The following TBC1D2B variants were observed in gnomAD, a reference collection of about 807,000 sequenced individuals.
TBC1D2B encodes the protein TBC1 domain family member 2B, also known as TBC1 domain family, member 2B.
In TBC1D2B, 64 loss-of-function variants were observed where a neutral mutation model predicts 100.8. That is an observed-to-expected ratio of 0.64 (90% confidence interval 0.52 to 0.78). The LOEUF is 0.78. Among genes scored for constraint, TBC1D2B ranks in the 30% least tolerant of loss-of-function variants. The probability of loss-of-function intolerance (pLI) is 0.00; values close to 1 mark genes in which losing one functional copy is unlikely to be tolerated. For synonymous variants in TBC1D2B, 480 were observed against 479.7 expected, an observed-to-expected ratio of 1.00 and a Z score of -0.01; for missense variants, 1,052 against 1,218.4, an observed-to-expected ratio of 0.86 and a Z score of 2.03.
chr15:78,023,447 C>T (rs935197651), intron 6 of TBC1D2B, among the ~76,000 whole-genome samples: 4 of 152,218 alleles, frequency 2.6e-5, no homozygotes, highest in Non-Finnish European at 4.4e-5. Context: ...GGCTTCTCTA[C>T]AGGCAAGAAG....
In TBC1D2B at chr15:77,996,305, T is replaced by C. The variant is rs1258368249; in HGVS notation, c.*1855A>G. On this transcript the variant is annotated 3_prime_UTR_variant, in exon 13 of 13. Transcript: ENST00000300584. ...AGCCCCAGGACATGGCAGTGTGTGC[T>C]GGCATGTTCCAGGGGCCATTGGCTC... 1 of 152,112 alleles carries C rather than the reference T, an allele frequency of 6.6e-6. No individual in the cohort carries two copies. The highest frequency in any genetic ancestry group is 1.9e-4 in the East Asian group (1 of 5,188). 9.4% of individuals were successfully genotyped at this position (152,112 alleles called of 1,614,324 possible).
intron 1 of TBC1D2B, among the ~76,000 whole-genome samples, chr15:78,071,433 G>T (rs2867985): frequency 3.9e-5 from 6 of 152,056 alleles, no homozygotes; most frequent in Non-Finnish European, 7.4e-5. Flanking sequence ...GGCAGAGTGC[G>T]CAAAACCTAA....
intron 10 of TBC1D2B, among the ~76,000 whole-genome samples, chr15:78,007,629 C>G (rs1479794520): frequency 2.6e-5 from 4 of 152,196 alleles, no homozygotes; most frequent in African/African-American, 9.7e-5. Context: ...AACAGAAATC[C>G]CTCTAAATAT....
In TBC1D2B at chr15:78,034,900, C is replaced by T. The variant is rs1185903165; in HGVS notation, c.684-4730G>A. 1.5e-4 allele frequency among the ~76,000 whole-genome samples: 23 copies of T among 152,214 alleles called. 1 individual carries two copies. Among genetic ancestry groups the T allele is most frequent in the Admixed American group, 1.5e-3 (23 of 15,290 alleles). On this transcript the variant is annotated intron_variant, in intron 3 of 12. Coordinates refer to ENST00000300584, the MANE Select transcript of TBC1D2B (RefSeq NM_144572.2). ...TGCAGACTTCTCAGACACACTCACC[C>T]TGTCTGCTCTGGCCCACAGAGGCCT...
intron 11 of TBC1D2B, 154 bp downstream of exon 11, chr15:78,003,151 C>A: frequency 1.6e-6 from 1 of 623,340 alleles, no homozygotes; most frequent in Admixed American, 2.8e-5. Context: ...TCCTGATACC[C>A]TGGACCCAGA....
intron 1 of TBC1D2B, among the ~76,000 whole-genome samples, chr15:78,069,771 G>A (rs1183376845): frequency 6.6e-6 from 1 of 152,134 alleles, no homozygotes; most frequent in Non-Finnish European, 1.5e-5. Context: ...AACATACATA[G>A]ATGGAGGCCC....
chr15:78,003,227 AGCCGCTCTACC>A, intron 11 of TBC1D2B, 67 bp downstream of exon 11: 1 of 1,378,564 alleles, frequency 7.3e-7, no homozygotes. Context: ...CAGGTGAGCC[AGCCGCTCTACC>A]GCCACCAACG....
intron 9 of TBC1D2B, among the ~76,000 whole-genome samples, chr15:78,011,570 A>G (rs2044380864): frequency 6.7e-6 from 1 of 149,350 alleles, no homozygotes; most frequent in Admixed American, 6.7e-5. Flanking sequence ...TCCTGGGCTC[A>G]AGCGATCCTC....
At chr15:78,076,716 A>G (rs1006105587) in intron 1 of TBC1D2B, among the ~76,000 whole-genome samples, 2 of 152,206 alleles carry the variant, frequency 1.3e-5, no homozygotes, top group Non-Finnish European at 2.9e-5. Context: ...GCACCCCTGC[A>G]CTCCAGCCTG....
chr15:78,030,196 T>C, intron 3 of TBC1D2B, 26 bp from the exon 4 acceptor site: 1 of 1,590,288 alleles, frequency 6.3e-7, no homozygotes, highest in Non-Finnish European at 8.6e-7. Flanking sequence ...ATATGTGTTA[T>C]TAACAAAAAC....
intron 12 of TBC1D2B, among the ~76,000 whole-genome samples, chr15:78,000,981 A>ACTTCCC (rs1482615879): frequency 2.6e-5 from 4 of 152,136 alleles, no homozygotes; most frequent in Non-Finnish European, 5.9e-5. Context: ...ACCCTGCAGG[A>ACTTCCC]CTTCCCAGCA....
At chr15:78,058,692 AGT>A (rs1279458536) in intron 1 of TBC1D2B, among the ~76,000 whole-genome samples, 2 of 152,190 alleles carry the variant, frequency 1.3e-5, no homozygotes, top group Non-Finnish European at 2.9e-5. Flanking sequence ...CCGCCGGAGG[AGT>A]GAGGACCGGG....
At chr15:78,065,917 A>G (rs1157870417) in intron 1 of TBC1D2B, 3 of 433,398 alleles carry the variant, frequency 6.9e-6, no homozygotes, top group Admixed American at 2.4e-5. Flanking sequence ...GGTGATTTCT[A>G]ACAGTGTTTT....
At position 77,998,511 on chromosome 15, in the gene TBC1D2B, G is replaced by C. The variant is rs547058917; in HGVS notation, c.2697-156C>G. ...TAGGGGATGAGGCCCACCTTCTGTA[G>C]AGAGGTGACAAAGCACAATGGCCCA... On this transcript the variant is annotated intron_variant, in intron 12 of 12. Transcript: ENST00000300584. 3.7e-4 allele frequency: 233 copies of C among 622,834 alleles called. 1 individual carries two copies. In the East Asian group the frequency reaches 6.7e-3, roughly 18 times the overall value. The allele number at this position is 622,834 out of a possible 1,614,324, so 38.6% of individuals were successfully genotyped here. A position where few individuals can be genotyped will look rare whatever the true frequency, so the allele number is the denominator to read the frequency against.
Position 77,998,543 on chromosome 15 carries a change from G to C in TBC1D2B, c.2697-188C>G, listed in dbSNP as rs1371599499. On this transcript the variant is annotated intron_variant, in intron 12 of 12. Coordinates refer to ENST00000300584, the MANE Select transcript of TBC1D2B (RefSeq NM_144572.2). ...GACAAAGCACAATGGCCCAGCCAGG[G>C]GCAGGCTCAGAATGACGACCTGGAC... 4 of 540,276 alleles carry C rather than the reference G, an allele frequency of 7.4e-6. No individual in the cohort carries two copies. In the African/African-American group the frequency reaches 7.8e-5, roughly 10 times the overall value. The allele number at this position is 540,276 out of a possible 1,614,324, so 33.5% of individuals were successfully genotyped here.
rs28581219 is a variant in TBC1D2B, at chr15:78,014,888, G to A, written c.1776-1571C>T. Among the ~76,000 whole-genome samples, 2 of 152,330 alleles carry A rather than the reference G, an allele frequency of 1.3e-5. 1 individual carries two copies. Among genetic ancestry groups the A allele is most frequent in the South Asian group, 4.1e-4 (2 of 4,832 alleles). On this transcript the variant is annotated intron_variant, in intron 8 of 12. Transcript: ENST00000300584. ...TATTTTACAGGTGGAATGACGTGACGTCTGGCATTTGCTTTAAAATATTCC... is the reference window on the plus strand; with the variant it reads ...TATTTTACAGGTGGAATGACGTGACATCTGGCATTTGCTTTAAAATATTCC...
chr15:78,061,961 T>C (rs572386707), intron 1 of TBC1D2B, among the ~76,000 whole-genome samples: 22 of 152,236 alleles, frequency 1.4e-4, no homozygotes, highest in African/African-American at 4.1e-4. Flanking sequence ...AACTGAAGTA[T>C]AAACAGCAGC....
chr15:78,049,103 A>C (rs1402072293), intron 2 of TBC1D2B, among the ~76,000 whole-genome samples: 1 of 152,214 alleles, frequency 6.6e-6, no homozygotes, highest in African/African-American at 2.4e-5. Context: ...TGAAGGACCC[A>C]GTCAGGAGGA....
chr15:78,007,941 G>C (rs1445592675), intron 10 of TBC1D2B, among the ~76,000 whole-genome samples: 1 of 152,258 alleles, frequency 6.6e-6, no homozygotes, highest in Non-Finnish European at 1.5e-5. Context: ...CTGGCCTGCA[G>C]GGCCAGGCCT....
Sources: allele counts gnomAD v4.1 joint callset (sites outside exome capture counted in the v4.1 genomes callset), GRCh38; gene constraint gnomAD v4.1.1; transcripts MANE v1.5; gene names NCBI Gene and HGNC (gene_info 2026-07-23, HGNC 2026-07-21).